Variants in CARMIL1 observed in about 807,000 individuals in gnomAD.
The protein encoded by CARMIL1 is capping protein regulator and myosin 1 linker 1.
Under a neutral mutation model 177.1 loss-of-function variants are expected in CARMIL1, and 90 were observed. The observed-to-expected ratio is 0.51, with a 90% CI of 0.43 to 0.61. The LOEUF is 0.61. CARMIL1 is among the 20% of genes least tolerant of loss of function. The probability of loss-of-function intolerance (pLI) is 0.00; values close to 1 mark genes in which losing one functional copy is unlikely to be tolerated. For synonymous variants in CARMIL1, 577 were observed against 606.2 expected (o/e 0.95, Z 0.71); for missense variants, 1,380 against 1,667.0 (o/e 0.83, Z 3.00).
chr6:25,293,927 G>T (rs573878649), intron 2 of CARMIL1, among the ~76,000 whole-genome samples: 1 of 152,290 alleles, frequency 6.6e-6, no homozygotes, highest in Non-Finnish European at 1.5e-5. Flanking sequence ...TCACCATGTT[G>T]CCCAGGCTGG....
At chr6:25,406,384 G>A (rs369455666) in intron 2 of CARMIL1, among the ~76,000 whole-genome samples, 35 of 152,304 alleles carry the variant, frequency 2.3e-4, no homozygotes, top group African/African-American at 8.2e-4. Context: ...GGAGGTGGAG[G>A]CAGGGGCCAG....
chr6:25,430,428 A>G (rs1796649042), intron 4 of CARMIL1, among the ~76,000 whole-genome samples: 1 of 128,098 alleles, frequency 7.8e-6, no homozygotes. Context: ...TCTCTTTGAG[A>G]AGGTTTTTTT....
At chr6:25,454,957 G>C (rs1008589295) in intron 8 of CARMIL1, among the ~76,000 whole-genome samples, 3 of 152,210 alleles carry the variant, frequency 2.0e-5, no homozygotes, top group Non-Finnish European at 4.4e-5. Context: ...GGAGGAATTA[G>C]AAAATTTGGA....
At chr6:25,471,662 G>C (rs534999265) in intron 10 of CARMIL1, among the ~76,000 whole-genome samples, 2 of 152,284 alleles carry the variant, frequency 1.3e-5, no homozygotes, top group African/African-American at 4.8e-5. Context: ...TTGGCAAAGT[G>C]CCTTTTACTC....
intron 2 of CARMIL1, among the ~76,000 whole-genome samples, chr6:25,349,556 G>A (rs989389087): frequency 6.6e-6 from 1 of 152,070 alleles, no homozygotes; most frequent in Non-Finnish European, 1.5e-5. Flanking sequence ...TGACTAAAAG[G>A]TTTTCCAGAA....
chr6:25,457,142 G>C (rs1352156064), intron 8 of CARMIL1, among the ~76,000 whole-genome samples: 1 of 152,156 alleles, frequency 6.6e-6, no homozygotes. Context: ...TGAACTCTGT[G>C]GGGTGAACAA....
intron 5 of CARMIL1, among the ~76,000 whole-genome samples, chr6:25,442,575 G>A (rs78728123): frequency 0.01 from 1,540 of 152,128 alleles, 20 homozygotes; most frequent in African/African-American, 0.029. Flanking sequence ...CTTCTGTAGA[G>A]TGGATTCTCC....
chr6:25,315,964 T>C (rs1391234365), intron 2 of CARMIL1, among the ~76,000 whole-genome samples: 16 of 152,188 alleles, frequency 1.1e-4, no homozygotes, highest in Admixed American at 5.2e-4. Flanking sequence ...ATTTGCACAT[T>C]ACACTTGAGA....
intron 8 of CARMIL1, among the ~76,000 whole-genome samples, chr6:25,456,403 C>A (rs570771711): frequency 6.6e-6 from 1 of 152,292 alleles, no homozygotes; most frequent in South Asian, 2.1e-4. Flanking sequence ...CATGCTAGAT[C>A]TAGCCAGTTA....
At chr6:25,385,090 A>G (rs887890029) in intron 2 of CARMIL1, among the ~76,000 whole-genome samples, 4 of 152,236 alleles carry the variant, frequency 2.6e-5, no homozygotes, top group Non-Finnish European at 5.9e-5. Context: ...TGGACATTAA[A>G]ACAGATAGTA....
At chr6:25,594,581 TA>T (rs1814637637) in intron 32 of CARMIL1, 54 bp downstream of exon 32, 1 of 992,602 alleles carries the variant, frequency 1.0e-6, no homozygotes, top group Non-Finnish European at 1.6e-6. Context: ...TTTAAATTAC[TA>T]ACAGTTACAA....
In CARMIL1 at chr6:25,315,948, G is replaced by T. The variant is rs1581539557; in HGVS notation, c.138+31039G>T. Among the ~76,000 whole-genome samples, 5 of 152,258 alleles carry T rather than the reference G, an allele frequency of 3.3e-5. 1 individual carries two copies. In the Middle Eastern group the frequency reaches 0.017, roughly 518 times the overall value. Reference sequence around the variant, plus strand: ...TCCTGTAGTCTAACAAGATCTGCAGGAGCTTATTTGCACATTACACTTGAG... The same window carrying T: ...TCCTGTAGTCTAACAAGATCTGCAGTAGCTTATTTGCACATTACACTTGAG... On this transcript the variant is annotated intron_variant, in intron 2 of 36. Coordinates refer to ENST00000329474, the MANE Select transcript of CARMIL1 (RefSeq NM_017640.6).
At chr6:25,435,394 G>A (rs1797134993) in intron 4 of CARMIL1, 89 bp from the exon 5 acceptor site, 1 of 1,415,742 alleles carries the variant, frequency 7.1e-7, no homozygotes. Flanking sequence ...GTATATATCT[G>A]TGTGACTATG....
At chr6:25,480,941 C>A (rs955775152) in intron 11 of CARMIL1, among the ~76,000 whole-genome samples, 1 of 151,692 alleles carries the variant, frequency 6.6e-6, no homozygotes, top group Non-Finnish European at 1.5e-5. Flanking sequence ...AGGATGGTCT[C>A]GATCTCCTGA....
intron 24 of CARMIL1, among the ~76,000 whole-genome samples, chr6:25,529,675 G>A (rs1467461145): frequency 6.1e-5 from 3 of 49,482 alleles, no homozygotes; most frequent in Non-Finnish European, 1.4e-4. Context: ...GTGAACCCGG[G>A]AAGCGGAGCT....
In CARMIL1 at chr6:25,384,099, A is replaced by G. The variant is rs542386015; in HGVS notation, c.139-36015A>G. 4.3e-4 allele frequency among the ~76,000 whole-genome samples: 66 copies of G among 152,252 alleles called. No individual in the cohort carries two copies. In the Middle Eastern group the frequency reaches 0.017, roughly 39 times the overall value. On this transcript the variant is annotated intron_variant, in intron 2 of 36. Transcript: ENST00000329474. Reference sequence around the variant, plus strand: ...AGCGCTCCGCCCACCTTGGCCTCCTAAAGTGCTGGGATTACAGGCGTGAGC... The same window carrying G: ...AGCGCTCCGCCCACCTTGGCCTCCTGAAGTGCTGGGATTACAGGCGTGAGC...
intron 1 of CARMIL1, among the ~76,000 whole-genome samples, chr6:25,281,039 G>A (rs1781050485): frequency 6.6e-6 from 1 of 151,926 alleles, no homozygotes; most frequent in African/African-American, 2.4e-5. Context: ...AGGTTTGTAT[G>A]GAAGCCCCTA....
chr6:25,483,159 C>T (rs975380620), intron 12 of CARMIL1, among the ~76,000 whole-genome samples: 14 of 152,174 alleles, frequency 9.2e-5, no homozygotes, highest in African/African-American at 2.4e-5. Context: ...TGGGGCTCTC[C>T]TTGTGGCCTG....
chr6:25,284,804 T>G lies in CARMIL1; in HGVS notation c.41-8T>G. On this transcript the variant is annotated splice_polypyrimidine_tract_variant and splice_region_variant and intron_variant, in intron 1 of 36. Coordinates refer to ENST00000329474, the MANE Select transcript of CARMIL1 (RefSeq NM_017640.6). Reference sequence around the variant, plus strand: ...CTTATTAATAACATAATTCCTTTTTTTTTTCAGAAAGCATAAAGGATGTTA... The same window carrying G: ...CTTATTAATAACATAATTCCTTTTTGTTTTCAGAAAGCATAAAGGATGTTA... 6.9e-7 allele frequency: 1 copy of G among 1,447,126 alleles called. No individual in the cohort carries two copies. Among genetic ancestry groups the G allele is most frequent in the Non-Finnish European group, 9.5e-7 (1 of 1,054,624 alleles). 89.6% of individuals were successfully genotyped at this position (1,447,126 alleles called of 1,614,324 possible). A position where few individuals can be genotyped will look rare whatever the true frequency, so the allele number is the denominator to read the frequency against.
Sources: allele counts gnomAD v4.1 joint callset (sites outside exome capture counted in the v4.1 genomes callset), GRCh38; gene constraint gnomAD v4.1.1; transcripts MANE v1.5; gene names NCBI Gene and HGNC (gene_info 2026-07-23, HGNC 2026-07-21).